Variants in DIAPH2 observed in about 807,000 individuals in gnomAD.
The protein encoded by DIAPH2 is diaphanous related formin 2, also known as protein diaphanous homolog 2.
In DIAPH2, 35 loss-of-function variants were observed where a neutral mutation model predicts 92.7. The ratio of observed to expected loss-of-function variants is 0.38; its 90% CI spans 0.29 to 0.50. The LOEUF is 0.50. DIAPH2 is among the 20% of genes least tolerant of loss of function. The pLI is 0.94. For synonymous variants in DIAPH2, 301 were observed against 280.4 expected (o/e 1.07, Z -0.73); for missense variants, 701 against 819.5 (o/e 0.86, Z 1.77).
At chrX:97,115,407 G>T (rs952395391) in intron 21 of DIAPH2, among the ~76,000 whole-genome samples, 1 of 110,251 alleles carries the variant, frequency 9.1e-6, no homozygotes, top group Non-Finnish European at 1.9e-5. Flanking sequence ...GCGGTGACGG[G>T]TACCTGTAAT....
chrX:97,499,341 C>T (rs2070779596), intron 26 of DIAPH2, among the ~76,000 whole-genome samples: 1 of 111,997 alleles, frequency 8.9e-6, no homozygotes, highest in South Asian at 3.7e-4. Flanking sequence ...GCTAAGCTTA[C>T]AGTTGTGATA....
chrX:97,245,925 G>A (rs1335694045), intron 22 of DIAPH2, among the ~76,000 whole-genome samples: 1 of 103,628 alleles, frequency 9.6e-6, no homozygotes. Flanking sequence ...TTTTTGAGAC[G>A]GAATTTCATT....
At chrX:96,839,892 C>T (rs1295869674) in intron 4 of DIAPH2, among the ~76,000 whole-genome samples, 1 of 111,810 alleles carries the variant, frequency 8.9e-6, no homozygotes, top group African/African-American at 3.3e-5. Flanking sequence ...AGAATTATTA[C>T]ACCAGAAGGA....
At chrX:97,425,008 ATATC>A (rs2070047895) in intron 25 of DIAPH2, among the ~76,000 whole-genome samples, 1 of 111,906 alleles carries the variant, frequency 8.9e-6, no homozygotes, top group East Asian at 2.8e-4. Context: ...TAATAAAACA[ATATC>A]TATAATGTTA....
At chrX:97,455,922 A>G (rs1241798132) in intron 26 of DIAPH2, among the ~76,000 whole-genome samples, 1 of 111,592 alleles carries the variant, frequency 9.0e-6, no homozygotes, top group East Asian at 2.8e-4. Flanking sequence ...TTAGTAAATG[A>G]CCATCTTTTT....
intron 21 of DIAPH2, among the ~76,000 whole-genome samples, chrX:97,129,146 C>CTTTCTTTTCT (rs1555988045): frequency 5.5e-5 from 2 of 36,556 alleles, no homozygotes; most frequent in Non-Finnish European, 9.0e-5. Flanking sequence ...CTTTTCTTTT[C>CTTTCTTTTCT]TTTCTTTTCT....
chrX:96,962,362 TATAC>T lies in DIAPH2; in HGVS notation c.1936-2729_1936-2726del, dbSNP rs1301483900. Among the ~76,000 whole-genome samples, 26 of 71,126 alleles carry T rather than the reference TATAC, an allele frequency of 3.7e-4. 1 individual carries two copies. The highest frequency in any genetic ancestry group is 1.4e-3 in the African/African-American group (25 of 17,349). The allele number at this position is 71,126 out of a possible 115,157, so 61.8% of individuals were successfully genotyped here. A position where few individuals can be genotyped will look rare whatever the true frequency, so the allele number is the denominator to read the frequency against. On this transcript the variant is annotated intron_variant, in intron 16 of 26. Transcript: ENST00000324765. ...ACATATATATATATACACATATATA[TATAC>T]ACATATATATATACACATATATATA...
At chrX:96,867,379 C>A (rs192379781) in intron 4 of DIAPH2, among the ~76,000 whole-genome samples, 111 of 110,800 alleles carry the variant, frequency 1.0e-3, no homozygotes, top group Admixed American at 1.7e-3. Context: ...CCACCATGCC[C>A]AACTTATTTT....
In DIAPH2 at chrX:96,838,781, G is replaced by A. The variant is rs922469489; in HGVS notation, c.448-42798G>A. 3.6e-5 allele frequency among the ~76,000 whole-genome samples: 4 copies of A among 112,097 alleles called. No homozygotes were observed. In the East Asian group the frequency reaches 1.1e-3, roughly 31 times the overall value. ...TAACCATTTTTACCTGCTCATTTCT[G>A]TGTGGAAACCTGTGCAGCTGAGATG... On this transcript the variant is annotated intron_variant, in intron 4 of 26. Coordinates refer to ENST00000324765, the MANE Select transcript of DIAPH2 (RefSeq NM_006729.5).
At position 97,085,651 on chromosome X, in the gene DIAPH2, A is replaced by G. The variant is rs992181808; in HGVS notation, c.2247+10390A>G. Among the ~76,000 whole-genome samples, 10 of 111,171 alleles carry G rather than the reference A, an allele frequency of 9.0e-5. No homozygotes were observed. In the East Asian group the frequency reaches 1.4e-3, roughly 16 times the overall value. On this transcript the variant is annotated intron_variant, in intron 19 of 26. Coordinates refer to ENST00000324765, the MANE Select transcript of DIAPH2 (RefSeq NM_006729.5). ...AGGCTGGTCTCAAACTCCTGACCTCAGGTGATCCGCCTGCCTCGGCCTCCC... is the reference window on the plus strand; with the variant it reads ...AGGCTGGTCTCAAACTCCTGACCTCGGGTGATCCGCCTGCCTCGGCCTCCC...
At chrX:97,104,927 A>G (rs1457693354) in intron 20 of DIAPH2, among the ~76,000 whole-genome samples, 1 of 112,111 alleles carries the variant, frequency 8.9e-6, no homozygotes, top group African/African-American at 3.2e-5. Context: ...GCTTGAGCCC[A>G]GGAATTCGAG....
intron 4 of DIAPH2, among the ~76,000 whole-genome samples, chrX:96,776,064 C>T (rs1261133400): frequency 1.8e-5 from 2 of 111,359 alleles, no homozygotes; most frequent in African/African-American, 6.5e-5. Flanking sequence ...CTAAGGTAGC[C>T]CCTAGGCTAC....
intron 4 of DIAPH2, among the ~76,000 whole-genome samples, chrX:96,881,137 T>C (rs1483223098): frequency 1.8e-5 from 2 of 111,653 alleles, no homozygotes; most frequent in East Asian, 2.8e-4. Context: ...TATCTTTCAA[T>C]AGATTTGGGT....
intron 4 of DIAPH2, among the ~76,000 whole-genome samples, chrX:96,789,032 C>G (rs2064479861): frequency 8.9e-6 from 1 of 112,429 alleles, no homozygotes; most frequent in Non-Finnish European, 1.9e-5. Context: ...TCACAGGACT[C>G]AGAATATCAT....
At chrX:97,340,057 G>A (rs770988795) in intron 23 of DIAPH2, among the ~76,000 whole-genome samples, 22 of 111,492 alleles carry the variant, frequency 2.0e-4, no homozygotes, top group Admixed American at 8.7e-4. Context: ...TTTGATCCTG[G>A]AATAGTCTAA....
rs7062932 is a variant in DIAPH2 at position 97,582,524 on chromosome X, G to T, written c.3242-16729G>T. Among the ~76,000 whole-genome samples the T allele has an allele frequency of 4.4e-3, 484 of 110,286 alleles. 2 individuals carry two copies. The highest frequency in any genetic ancestry group is 0.013 in the African/African-American group (394 of 30,107). ...GGCCCCCACTCTCTTCTGGCTTGTA[G>T]GGTTTCTGCCGAGAGATCCGCTGTT... On this transcript the variant is annotated intron_variant, in intron 26 of 26. Transcript: ENST00000324765.
rs1372539666 is a variant in DIAPH2 at position 97,469,638 on chromosome X, G to T, written c.3241+39893G>T. ...TTATTCAGTGTTCTAGGTGCATTAT[G>T]TTTTTTTATTTATACATTTCAAATA... On this transcript the variant is annotated intron_variant, in intron 26 of 26. Coordinates refer to ENST00000324765, the MANE Select transcript of DIAPH2 (RefSeq NM_006729.5). The T allele has an allele frequency of 4.5e-6, 5 of 1,105,773 alleles. No homozygotes were observed. In the African/African-American group the frequency reaches 7.4e-5, roughly 16 times the overall value. 91.1% of individuals were successfully genotyped at this position (1,105,773 alleles called of 1,213,427 possible). A position where few individuals can be genotyped will look rare whatever the true frequency, so the allele number is the denominator to read the frequency against.
chrX:97,462,391 A>C (rs2168783), intron 26 of DIAPH2, among the ~76,000 whole-genome samples: 46,848 of 111,026 alleles, frequency 0.42, 8,422 homozygotes, highest in Non-Finnish European at 0.57. Context: ...TGGGTTTTAT[A>C]ATTATCATTT....
At chrX:97,469,745 C>T (rs144314955) in intron 26 of DIAPH2, 18 of 1,203,426 alleles carry the variant, frequency 1.5e-5, no homozygotes, top group East Asian at 5.9e-5. Flanking sequence ...GCTACATAAA[C>T]GGCCTGAGTG....
Sources: gnomAD v4.1 joint callset for allele counts (sites outside exome capture counted in the v4.1 genomes callset) on GRCh38, gnomAD v4.1.1 for gene constraint, MANE v1.5 for transcripts, NCBI Gene and HGNC (gene_info 2026-07-23, HGNC 2026-07-21) for gene names.